TSTD2: variants seen among roughly 807,000 people sequenced by gnomAD.
TSTD2 encodes thiosulfate sulfurtransferase/rhodanese-like domain-containing protein 2.
In TSTD2, 37 loss-of-function variants were observed where a neutral mutation model predicts 47.9. The ratio of observed to expected loss-of-function variants is 0.77; its 90% CI spans 0.59 to 1.02. TSTD2 has a LOEUF of 1.02. Ranked by LOEUF, TSTD2 falls within the 50% of genes least tolerant of loss-of-function variation. TSTD2 has a pLI of 0.00. For missense variants in TSTD2, 586 were observed against 616.0 expected, an observed-to-expected ratio of 0.95 and a Z score of 0.52; for synonymous variants, 201 against 215.9, an observed-to-expected ratio of 0.93 and a Z score of 0.61.
intron 2 of TSTD2, 80 bp from the exon 3 acceptor site, chr9:97,626,077 G>A (rs1306824739): frequency 5.1e-6 from 7 of 1,370,464 alleles, no homozygotes; most frequent in Non-Finnish European, 5.9e-6. Context: ...AGATTCTTTA[G>A]ATTATCTTTC....
chr9:97,612,810 C>A (rs1826479467), intron 4 of TSTD2, among the ~76,000 whole-genome samples: 2 of 152,362 alleles, frequency 1.3e-5, no homozygotes, highest in South Asian at 4.1e-4. Context: ...CCCGCCTTGG[C>A]CTCCCAAAGT....
rs773285444 is a variant in TSTD2 at position 97,605,640 on chromosome 9, C to T, written c.956G>A (p.Gly319Glu). 16 of 1,614,108 alleles carry T rather than the reference C, an allele frequency of 9.9e-6. No individual in the cohort carries two copies. Among genetic ancestry groups the T allele is most frequent in the Non-Finnish European group, 1.4e-5 (16 of 1,180,046 alleles). ...TGGGGCTAAGCAGCCTTGGAATCGT[C>T]CCTGTAACATAGGAGCAACAAAAGG... ...DCRNFYESKI[G>E]RFQGCLAPDI... is the part of the protein sequence containing the mutation. The change falls in exon 8 of 10, where the codon GGA (glycine) becomes GAA (glutamate). Residue 319 changes from glycine to glutamate, a missense_variant and splice_region_variant. Gly to Glu is a moderately conservative substitution (Grantham distance 98). Coordinates refer to ENST00000341170, the MANE Select transcript of TSTD2 (RefSeq NM_139246.5).
chr9:97,604,587 T>TG, intron 9 of TSTD2, 140 bp downstream of exon 9: 1 of 1,270,120 alleles, frequency 7.9e-7, no homozygotes, highest in Non-Finnish European at 1.1e-6. Context: ...GGGAAAATGG[T>TG]GGCACAATGT....
chr9:97,615,134 A>G (rs1490588464), intron 4 of TSTD2, among the ~76,000 whole-genome samples: 2 of 152,228 alleles, frequency 1.3e-5, no homozygotes, highest in Non-Finnish European at 2.9e-5. Flanking sequence ...TGCTCCCTAT[A>G]TAGCTAGGGC....
intron 4 of TSTD2, among the ~76,000 whole-genome samples, chr9:97,614,410 A>G (rs1826509358): frequency 7.0e-6 from 1 of 143,876 alleles, no homozygotes; most frequent in East Asian, 2.0e-4. Flanking sequence ...TATTCTCCAA[A>G]TATCTACTGA....
chr9:97,621,373 G>C (rs1826632503), intron 3 of TSTD2, among the ~76,000 whole-genome samples: 1 of 152,106 alleles, frequency 6.6e-6, no homozygotes, highest in African/African-American at 2.4e-5. Flanking sequence ...ATGTGTGTTT[G>C]AACAATATGA....
Position 97,601,502 on chromosome 9 carries a change from A to AGAAAC in TSTD2, c.*962_*966dup. On this transcript the variant is annotated 3_prime_UTR_variant, in exon 10 of 10. Coordinates refer to ENST00000341170, the MANE Select transcript of TSTD2 (RefSeq NM_139246.5). ...AGAGCTATCAGAGGAAATCTCTCATAGAAACGAAACCAAACCAACAGAAAA... is the reference window on the plus strand; with the variant it reads ...AGAGCTATCAGAGGAAATCTCTCATAGAAACGAAACGAAACCAAACCAACAGAAAA... 1 of 989,750 alleles carries AGAAAC rather than the reference A, an allele frequency of 1.0e-6. No individual in the cohort carries two copies. Among genetic ancestry groups the AGAAAC allele is most frequent in the Non-Finnish European group, 1.2e-6 (1 of 832,528 alleles). The allele number at this position is 989,750 out of a possible 1,614,324, so 61.3% of individuals were successfully genotyped here.
intron 1 of TSTD2, among the ~76,000 whole-genome samples, chr9:97,632,210 G>A (rs905795443): frequency 3.9e-5 from 6 of 152,218 alleles, no homozygotes; most frequent in African/African-American, 1.4e-4. Context: ...CCAAGAGCCA[G>A]CCACGCAGAT....
At chr9:97,602,932 C>CCCA (rs551842263) in intron 9 of TSTD2, 165 bp from the exon 10 acceptor site, 19 of 592,434 alleles carry the variant, frequency 3.2e-5, no homozygotes, top group Non-Finnish European at 5.1e-5. Flanking sequence ...AACCACCACC[C>CCCA]CCACCACCCA....
intron 6 of TSTD2, among the ~76,000 whole-genome samples, chr9:97,607,180 C>A (rs552931828): frequency 7.9e-5 from 12 of 152,074 alleles, no homozygotes; most frequent in Non-Finnish European, 1.6e-4. Flanking sequence ...AATATATATA[C>A]AAAGGGACTA....
At chr9:97,617,726 G>C in intron 4 of TSTD2, 31 bp downstream of exon 4, 1 of 1,589,402 alleles carries the variant, frequency 6.3e-7, no homozygotes, top group East Asian at 2.3e-5. Flanking sequence ...GATGGACCCA[G>C]TGAAGGAAGG....
chr9:97,625,586 T>C (rs1826705389), intron 3 of TSTD2, 95 bp downstream of exon 3: 4 of 1,216,148 alleles, frequency 3.3e-6, no homozygotes, highest in Non-Finnish European at 1.1e-6. Context: ...AGTTGGTCTT[T>C]CTCACTTTAG....
At chr9:97,621,409 T>G (rs532108109) in intron 3 of TSTD2, among the ~76,000 whole-genome samples, 1 of 152,100 alleles carries the variant, frequency 6.6e-6, no homozygotes, top group Non-Finnish European at 1.5e-5. Context: ...AAAAAGAACA[T>G]GGTAACAGCC....
intron 9 of TSTD2, 125 bp downstream of exon 9, chr9:97,604,602 A>G: frequency 7.2e-7 from 1 of 1,392,350 alleles, no homozygotes. Flanking sequence ...CAATGTACTT[A>G]TTTTCCCTGC....
intron 3 of TSTD2, among the ~76,000 whole-genome samples, chr9:97,618,860 T>A (rs1826585292): frequency 6.6e-6 from 1 of 152,212 alleles, no homozygotes; most frequent in Non-Finnish European, 1.5e-5. Context: ...CCATGAAACC[T>A]TCTTGTCTAT....
intron 8 of TSTD2, 133 bp downstream of exon 8, chr9:97,605,350 T>A (rs753881415): frequency 2.7e-5 from 28 of 1,044,972 alleles, no homozygotes; most frequent in Non-Finnish European, 3.8e-5. Flanking sequence ...GCTGGAGCCA[T>A]ACGAGGGGTG....
chr9:97,614,592 CT>C (rs1440243451), intron 4 of TSTD2, among the ~76,000 whole-genome samples: 3 of 148,332 alleles, frequency 2.0e-5, no homozygotes, highest in Non-Finnish European at 3.0e-5. Context: ...CTACTTCAGA[CT>C]GCAGCTCTAA....
intron 6 of TSTD2, among the ~76,000 whole-genome samples, chr9:97,606,802 C>A (rs1277856221): frequency 6.6e-6 from 1 of 152,072 alleles, no homozygotes; most frequent in Non-Finnish European, 1.5e-5. Context: ...GGAATAGATA[C>A]ATTTTTAATG....
Position 97,600,823 on chromosome 9 carries a change from T to C in TSTD2, c.*1646A>G. 1 of 1,079,046 alleles carries C rather than the reference T, an allele frequency of 9.3e-7. No homozygotes were observed. Among genetic ancestry groups the C allele is most frequent in the Non-Finnish European group, 1.1e-6 (1 of 883,006 alleles). 66.8% of individuals were successfully genotyped at this position (1,079,046 alleles called of 1,614,324 possible). On this transcript the variant is annotated 3_prime_UTR_variant, in exon 10 of 10. Coordinates refer to ENST00000341170, the MANE Select transcript of TSTD2 (RefSeq NM_139246.5). ...ACTGCTGCCAGATCTCTTTTTAACA[T>C]CATGTGCGTCTCTTGGGATCCAGCA...
Sources: gnomAD v4.1 joint callset for allele counts (sites outside exome capture counted in the v4.1 genomes callset) on GRCh38, gnomAD v4.1.1 for gene constraint, MANE v1.5 for transcripts, NCBI Gene and HGNC (gene_info 2026-07-23, HGNC 2026-07-21) for gene names.